The following ERC2 variants were observed in gnomAD, a reference collection of about 807,000 sequenced individuals.
ERC2 encodes the protein ERC protein 2.
Under a neutral mutation model 114.8 loss-of-function variants are expected in ERC2, and 42 were observed. The observed-to-expected ratio is 0.37, with a 90% CI of 0.29 to 0.47. The LOEUF is 0.47. Among genes scored for constraint, ERC2 ranks in the 20% least tolerant of loss-of-function variants. The pLI is 0.99. For missense variants in ERC2, 939 were observed against 1,150.7 expected, an observed-to-expected ratio of 0.82 and a Z score of 2.66; for synonymous variants, 454 against 425.5, an observed-to-expected ratio of 1.07 and a Z score of -0.82.
chr3:56,397,341 T>G (rs1263201230), intron 2 of ERC2, among the ~76,000 whole-genome samples: 2 of 131,274 alleles, frequency 1.5e-5, no homozygotes, highest in Non-Finnish European at 3.3e-5. Context: ...AGAGCACATA[T>G]CTGTCTTAAA....
intron 13 of ERC2, among the ~76,000 whole-genome samples, chr3:55,904,755 A>T (rs142729131): frequency 2.0e-5 from 3 of 152,214 alleles, no homozygotes; most frequent in African/African-American, 7.2e-5. Context: ...GAACTCCTCA[A>T]CACCCTAGAC....
chr3:55,613,250 C>A (rs1375118107), intron 17 of ERC2: 1 of 152,178 alleles, frequency 6.6e-6, no homozygotes, highest in African/African-American at 2.4e-5. Context: ...TACAAGCAAG[C>A]CTGGGACCTC....
At chr3:56,421,615 A>G (rs1428748911) in intron 2 of ERC2, among the ~76,000 whole-genome samples, 1 of 152,246 alleles carries the variant, frequency 6.6e-6, no homozygotes, top group Non-Finnish European at 1.5e-5. Context: ...CATAAGAGAT[A>G]TATAAAAATA....
At position 56,435,045 on chromosome 3, in the gene ERC2, T is replaced by G; in HGVS notation, c.-38A>C. 6.7e-7 allele frequency: 1 copy of G among 1,497,154 alleles called. No individual in the cohort carries two copies. The highest frequency in any genetic ancestry group is 2.3e-5 in the East Asian group (1 of 43,962). 92.7% of individuals were successfully genotyped at this position (1,497,154 alleles called of 1,614,324 possible). ...ATGAGGTGTTACTGAAGAGAAGAAATGCTATATTAAGTTGGGGTTTGAGCT... is the reference window on the plus strand; with the variant it reads ...ATGAGGTGTTACTGAAGAGAAGAAAGGCTATATTAAGTTGGGGTTTGAGCT... On this transcript the variant is annotated 5_prime_UTR_variant, in exon 2 of 18. Transcript: ENST00000288221.
intron 2 of ERC2, among the ~76,000 whole-genome samples, chr3:56,420,002 T>A (rs1290871647): frequency 6.6e-6 from 1 of 152,138 alleles, no homozygotes; most frequent in African/African-American, 2.4e-5. Flanking sequence ...CTCCATCTCA[T>A]AGGCTTATTG....
intron 7 of ERC2, among the ~76,000 whole-genome samples, chr3:56,071,285 G>A (rs1485674): frequency 0.016 from 2,400 of 152,314 alleles, 62 homozygotes; most frequent in African/African-American, 0.055. Flanking sequence ...TGGAAAGAAG[G>A]AAAGGAAAAG....
At chr3:56,277,510 C>T (rs929697784) in intron 3 of ERC2, among the ~76,000 whole-genome samples, 4 of 152,138 alleles carry the variant, frequency 2.6e-5, no homozygotes, top group Non-Finnish European at 4.4e-5. Flanking sequence ...AAACTCCAGG[C>T]TCTCCAATAC....
rs948918066 is a variant in ERC2, at chr3:56,396,689, GTTTTGTTTTTGT to G, written c.657+37650_657+37661del. Among the ~76,000 whole-genome samples, 14 of 151,818 alleles carry G rather than the reference GTTTTGTTTTTGT, an allele frequency of 9.2e-5. 1 individual carries two copies. The highest frequency in any genetic ancestry group is 1.9e-4 in the Non-Finnish European group (13 of 67,920). On this transcript the variant is annotated intron_variant, in intron 2 of 17. Transcript: ENST00000288221. ...TCAAGTTTTAGGGTTTTTTTGTTTTGTTTTGTTTTTGTTTTTGTTTTTACAAACAATATGCAT... is the reference window on the plus strand; with the variant it reads ...TCAAGTTTTAGGGTTTTTTTGTTTTGTTTTGTTTTTACAAACAATATGCAT...
At position 56,019,003 on chromosome 3, in the gene ERC2, T is replaced by C; in HGVS notation, c.1670A>G (p.Asp557Gly). The change falls in exon 8 of 18, where the codon GAT becomes GGT. Residue 557 changes from aspartate (D) to glycine (G), a missense_variant. Transcript: ENST00000288221. ...CAGGTTGGTCAGTTGCTTGTCTTTATCCCTAAGTTGTTCTTGCAAGTTTTC... is the reference window on the plus strand; with the variant it reads ...CAGGTTGGTCAGTTGCTTGTCTTTACCCCTAAGTTGTTCTTGCAAGTTTTC... The part of the protein sequence containing the change: ...KIENLQEQLR[D>G]KDKQLTNLKD... The C allele has an allele frequency of 6.2e-7, 1 of 1,612,380 alleles. No individual in the cohort carries two copies. Among genetic ancestry groups the C allele is most frequent in the Non-Finnish European group, 8.5e-7 (1 of 1,179,138 alleles).
At chr3:55,815,130 A>G (rs1393396257) in intron 14 of ERC2, among the ~76,000 whole-genome samples, 1 of 152,206 alleles carries the variant, frequency 6.6e-6, no homozygotes, top group Admixed American at 6.5e-5. Context: ...AGCAGCCACC[A>G]GTAATGCTTA....
At chr3:55,517,446 C>CAAAAAAAAAAAAAAAAAAAAAAAAA (rs11309251) in intron 17 of ERC2, among the ~76,000 whole-genome samples, 1 of 90,156 alleles carries the variant, frequency 1.1e-5, no homozygotes. Flanking sequence ...GACTCCGTCT[C>CAAAAAAAAAAAAAAAAAAAAAAAAA]AAAAAAAAAA....
intron 7 of ERC2, among the ~76,000 whole-genome samples, chr3:56,029,867 G>C (rs761384349): frequency 1.3e-5 from 2 of 151,622 alleles, no homozygotes; most frequent in Admixed American, 6.6e-5. Context: ...ACTTAGTTTC[G>C]GTTTATTTTG....
intron 17 of ERC2, among the ~76,000 whole-genome samples, chr3:55,675,026 AT>A (rs1202128262): frequency 6.6e-6 from 1 of 152,196 alleles, no homozygotes; most frequent in African/African-American, 2.4e-5. Context: ...CAAGGCATGC[AT>A]GGACCCATGT....
intron 3 of ERC2, among the ~76,000 whole-genome samples, chr3:56,252,581 CCCGTCTCTACTAAAAATG>C (rs1405187871): frequency 6.6e-6 from 1 of 151,864 alleles, no homozygotes; most frequent in Non-Finnish European, 1.5e-5. Context: ...ATGGAGAAAC[CCCGTCTCTACTAAAAATG>C]CAAAACAATT....
chr3:55,915,752 A>AG (rs2149372783), intron 13 of ERC2, among the ~76,000 whole-genome samples: 1 of 152,238 alleles, frequency 6.6e-6, no homozygotes, highest in South Asian at 2.1e-4. Flanking sequence ...AAGATCATCG[A>AG]GGGGAGCTGA....
intron 7 of ERC2, among the ~76,000 whole-genome samples, chr3:56,074,428 C>T (rs2076882222): frequency 1.3e-5 from 2 of 152,082 alleles, no homozygotes; most frequent in South Asian, 2.1e-4. Flanking sequence ...TAATTATTTG[C>T]ATGGAAATGC....
chr3:56,318,158 T>A (rs927633448), intron 2 of ERC2, among the ~76,000 whole-genome samples: 1 of 152,196 alleles, frequency 6.6e-6, no homozygotes, highest in Non-Finnish European at 1.5e-5. Context: ...GATAATTTTA[T>A]GTTTTAGATT....
At chr3:56,413,865 G>A (rs759296504) in intron 2 of ERC2, among the ~76,000 whole-genome samples, 13 of 152,108 alleles carry the variant, frequency 8.5e-5, no homozygotes, top group Non-Finnish European at 1.6e-4. Context: ...TTGTTACTCC[G>A]CTTTAATAAT....
At position 56,425,560 on chromosome 3, in the gene ERC2, CTTTTT is replaced by C. The variant is rs67210393; in HGVS notation, c.657+8786_657+8790del. Among the ~76,000 whole-genome samples, 117 of 123,962 alleles carry C rather than the reference CTTTTT, an allele frequency of 9.4e-4. No individual in the cohort carries two copies. In the Middle Eastern group the frequency reaches 0.013, roughly 14 times the overall value. 81.3% of individuals were successfully genotyped at this position (123,962 alleles called of 152,430 possible). A position where few individuals can be genotyped will look rare whatever the true frequency, so the allele number is the denominator to read the frequency against. On this transcript the variant is annotated intron_variant, in intron 2 of 17. Coordinates refer to ENST00000288221, the MANE Select transcript of ERC2 (RefSeq NM_015576.3). Reference sequence around the variant, plus strand: ...AACCAACTCCACCCCGACCCTTTTTCTTTTTTTTTTTTTTTTTTTTGGCTTATGCA... The same window carrying C: ...AACCAACTCCACCCCGACCCTTTTTCTTTTTTTTTTTTTTTGGCTTATGCA...
Sources: gnomAD v4.1 joint callset for allele counts (sites outside exome capture counted in the v4.1 genomes callset) on GRCh38, gnomAD v4.1.1 for gene constraint, MANE v1.5 for transcripts, NCBI Gene and HGNC (gene_info 2026-07-23, HGNC 2026-07-21) for gene names.